The following WDR27 variants were observed in gnomAD, a reference collection of about 807,000 sequenced individuals.
WDR27 encodes the protein WD repeat-containing protein 27.
A neutral mutation model predicts 114.4 loss-of-function variants in WDR27; 100 were observed. The observed-to-expected ratio is 0.87, with a 90% confidence interval of 0.74 to 1.03. The LOEUF (loss-of-function observed/expected upper bound fraction) is 1.03. WDR27 is among the 50% of genes least tolerant of loss of function. WDR27 has a pLI of 0.00. For synonymous variants in WDR27, 449 were observed against 423.1 expected, an observed-to-expected ratio of 1.06 and a Z score of -0.75; for missense variants, 1,129 against 1,092.9, an observed-to-expected ratio of 1.03 and a Z score of -0.47.
At position 169,457,443 on chromosome 6, in the gene WDR27, C is replaced by G; in HGVS notation, c.*149G>C. 1 of 605,016 alleles carries G rather than the reference C, an allele frequency of 1.7e-6. No individual in the cohort carries two copies. The highest frequency in any genetic ancestry group is 2.9e-6 in the Non-Finnish European group (1 of 350,402). 37.5% of individuals were successfully genotyped at this position (605,016 alleles called of 1,614,324 possible). A position where few individuals can be genotyped will look rare whatever the true frequency, so the allele number is the denominator to read the frequency against. On this transcript the variant is annotated 3_prime_UTR_variant, in exon 26 of 26. Coordinates refer to ENST00000448612, the MANE Select transcript of WDR27 (RefSeq NM_182552.5). ...ACATGGCACACACAGAGGGGAGGAG[C>G]TTGCAAACGGGGGAAATCTGAGGCA...
the WDR27 span, among the ~76,000 whole-genome samples, chr6:169,428,956 G>C: frequency 2.0e-5 from 3 of 152,220 alleles, no homozygotes; most frequent in African/African-American, 7.2e-5. Flanking sequence ...TGGAAATGGA[G>C]CTTGCACCAC....
intron 21 of WDR27, among the ~76,000 whole-genome samples, chr6:169,629,161 A>T (rs1435026483): frequency 6.6e-6 from 1 of 152,218 alleles, no homozygotes; most frequent in Non-Finnish European, 1.5e-5. Flanking sequence ...AATATTAGAA[A>T]ATTGGTTAGC....
At chr6:169,485,588 A>C (rs1194278702) in intron 25 of WDR27, among the ~76,000 whole-genome samples, 2 of 152,238 alleles carry the variant, frequency 1.3e-5, no homozygotes, top group African/African-American at 2.4e-5. Flanking sequence ...ACCATTGTGG[A>C]AATCAGTGTG....
intron 24 of WDR27, among the ~76,000 whole-genome samples, chr6:169,578,055 G>A (rs771077203): frequency 2.0e-5 from 3 of 152,126 alleles, no homozygotes; most frequent in Non-Finnish European, 4.4e-5. Context: ...CTGGAAACGC[G>A]TTTCTCTAAT....
At chr6:169,612,039 G>A (rs978729671) in intron 22 of WDR27, among the ~76,000 whole-genome samples, 1 of 152,016 alleles carries the variant, frequency 6.6e-6, no homozygotes, top group Non-Finnish European at 1.5e-5. Flanking sequence ...AGGAGGCTGA[G>A]GCAGGAGAAT....
At chr6:169,652,239 T>C (rs1436676777) in intron 13 of WDR27, among the ~76,000 whole-genome samples, 2 of 152,124 alleles carry the variant, frequency 1.3e-5, no homozygotes, top group Non-Finnish European at 2.9e-5. Flanking sequence ...TGTTTTGTTG[T>C]TGTTGTTTTG....
At chr6:169,677,223 GACA>G (rs1780294850) in intron 2 of WDR27, among the ~76,000 whole-genome samples, 1 of 152,226 alleles carries the variant, frequency 6.6e-6, no homozygotes, top group African/African-American at 2.4e-5. Context: ...TAGTGGTAAA[GACA>G]GTGAAGTCTA....
In WDR27 at chr6:169,665,489, G is replaced by A. The variant is rs1585026194; in HGVS notation, c.780C>T (p.Gly260=). 6.2e-7 allele frequency: 1 copy of A among 1,613,024 alleles called. No individual in the cohort carries two copies. Among genetic ancestry groups the A allele is most frequent in the Non-Finnish European group, 8.5e-7 (1 of 1,179,466 alleles). ...SRQLVTGCAD[G]QLWIFSLMDG... is the part of the protein sequence containing the mutation. Reference sequence around the variant, plus strand: ...CTTAACTCTGTGGCTGTCTCACCTGGCCGTCAGCACACCCGGTGACCAGCT... The same window carrying A: ...CTTAACTCTGTGGCTGTCTCACCTGACCGTCAGCACACCCGGTGACCAGCT... The change falls in exon 7 of 26, where the codon GGC becomes GGT. Residue 260 remains glycine, a synonymous_variant. Transcript: ENST00000448612.
rs534692424 is a variant in WDR27 at position 169,537,100 on chromosome 6, C to T, written c.2645+35319G>A. 5.3e-5 allele frequency among the ~76,000 whole-genome samples: 8 copies of T among 152,250 alleles called. 1 individual carries two copies. Among genetic ancestry groups the T allele is most frequent in the East Asian group, 1.9e-4 (1 of 5,178 alleles). On this transcript the variant is annotated intron_variant, in intron 25 of 25. Coordinates refer to ENST00000448612, the MANE Select transcript of WDR27 (RefSeq NM_182552.5). The stretch of plus-strand genomic sequence containing the variant: ...GCCTATTATCCTCATATAACAGAGA[C>T]GCGTGTAGGTCACCTGTCTTCTTTC...
At chr6:169,700,821 T>C (rs1472852660) in intron 1 of WDR27, among the ~76,000 whole-genome samples, 1 of 152,206 alleles carries the variant, frequency 6.6e-6, no homozygotes, top group Admixed American at 6.5e-5. Flanking sequence ...TAATAAAGTT[T>C]TTTATCCCTA....
chr6:169,473,368 T>C (rs1006052391), intron 25 of WDR27, among the ~76,000 whole-genome samples: 1 of 152,174 alleles, frequency 6.6e-6, no homozygotes, highest in African/African-American at 2.4e-5. Flanking sequence ...TGAACTAGTG[T>C]TGAGCTTTAT....
chr6:169,693,440 T>C (rs1173917319), intron 1 of WDR27, among the ~76,000 whole-genome samples: 1 of 152,170 alleles, frequency 6.6e-6, no homozygotes, highest in Non-Finnish European at 1.5e-5. Flanking sequence ...AAAAGGGTAT[T>C]TAGGCAGGAA....
At chr6:169,680,599 A>AC (rs1781252018) in intron 2 of WDR27, among the ~76,000 whole-genome samples, 1 of 152,076 alleles carries the variant, frequency 6.6e-6, no homozygotes, top group Non-Finnish European at 1.5e-5. Flanking sequence ...AAAAGAAGAT[A>AC]TTTTTCTTAT....
intron 22 of WDR27, among the ~76,000 whole-genome samples, chr6:169,611,306 C>CTTTTT (rs56812983): frequency 2.3e-5 from 3 of 132,220 alleles, no homozygotes; most frequent in Non-Finnish European, 3.1e-5. Flanking sequence ...TTTTTACTTA[C>CTTTTT]TTTTTTTTTT....
At chr6:169,500,475 C>G (rs984835537) in intron 25 of WDR27, among the ~76,000 whole-genome samples, 2 of 152,172 alleles carry the variant, frequency 1.3e-5, no homozygotes, top group African/African-American at 4.8e-5. Flanking sequence ...TCTTCATCTT[C>G]TCACCTCAGG....
At chr6:169,445,392 G>A in the WDR27 span, among the ~76,000 whole-genome samples, 1 of 152,070 alleles carries the variant, frequency 6.6e-6, no homozygotes, top group Non-Finnish European at 1.5e-5. Context: ...CGAAGGTGTA[G>A]GGTCTCCGGT....
chr6:169,504,693 CA>C (rs1332812474), intron 25 of WDR27, among the ~76,000 whole-genome samples: 1 of 152,090 alleles, frequency 6.6e-6, no homozygotes, highest in Non-Finnish European at 1.5e-5. Context: ...ACTGCAGCTT[CA>C]ATCTCCCAGG....
At chr6:169,521,489 T>C (rs576228166) in intron 25 of WDR27, among the ~76,000 whole-genome samples, 74 of 152,232 alleles carry the variant, frequency 4.9e-4, no homozygotes, top group Admixed American at 3.9e-3. Context: ...TTTAGTGCAT[T>C]AGACAAACCC....
chr6:169,681,495 C>G (rs1020498162), intron 2 of WDR27, among the ~76,000 whole-genome samples: 3 of 152,240 alleles, frequency 2.0e-5, no homozygotes, highest in Admixed American at 1.3e-4. Context: ...GTGCTCGTAG[C>G]TTCAAGCCCA....
Sources: allele counts gnomAD v4.1 joint callset (sites outside exome capture counted in the v4.1 genomes callset), GRCh38; gene constraint gnomAD v4.1.1; transcripts MANE v1.5; gene names NCBI Gene and HGNC (gene_info 2026-07-23, HGNC 2026-07-21).